The following DPP6 variants were observed in gnomAD, a reference collection of about 807,000 sequenced individuals.
DPP6 encodes A-type potassium channel modulatory protein DPP6.
A neutral mutation model predicts 122.6 loss-of-function variants in DPP6; 69 were observed. The ratio of observed to expected loss-of-function variants is 0.56; its 90% CI spans 0.46 to 0.69. The LOEUF (loss-of-function observed/expected upper bound fraction) is 0.69, where lower values mean the gene tolerates loss of function less well. Among genes scored for constraint, DPP6 ranks in the 30% least tolerant of loss-of-function variants. The pLI, the probability that DPP6 is intolerant of heterozygous loss-of-function variation, is 0.00. For missense variants in DPP6, 928 were observed against 1,116.9 expected (o/e 0.83, Z 2.41); for synonymous variants, 418 against 433.1 (o/e 0.97, Z 0.43).
At chr7:154,516,997 CATT>C in intron 3 of DPP6, among the ~76,000 whole-genome samples, 1 of 152,268 alleles carries the variant, frequency 6.6e-6, no homozygotes, top group South Asian at 2.1e-4. Flanking sequence ...TTGAAATCCT[CATT>C]ATGTGTTTGC....
At chr7:153,842,747 C>T in the DPP6 span, among the ~76,000 whole-genome samples, 1 of 152,096 alleles carries the variant, frequency 6.6e-6, no homozygotes, top group Non-Finnish European at 1.5e-5. Context: ...TGGAAATTCA[C>T]TTATATAATA....
intron 3 of DPP6, among the ~76,000 whole-genome samples, chr7:154,488,171 C>G (rs1034103677): frequency 1.3e-5 from 2 of 152,086 alleles, no homozygotes; most frequent in African/African-American, 2.4e-5. Flanking sequence ...TGTAACTCTT[C>G]GTGTTTTAAG....
At chr7:154,625,195 T>A (rs1393215293) in intron 5 of DPP6, among the ~76,000 whole-genome samples, 3 of 152,170 alleles carry the variant, frequency 2.0e-5, no homozygotes. Flanking sequence ...CAAGTGGGCA[T>A]GGTAAGCAGC....
rs563768146 is a variant in DPP6 at position 154,500,307 on chromosome 7, A to G, written c.457+25270A>G. Among the ~76,000 whole-genome samples, 5 of 152,354 alleles carry G rather than the reference A, an allele frequency of 3.3e-5. No homozygotes were observed. The South Asian group carries it at 8.3e-4, about 25-fold the overall frequency. On this transcript the variant is annotated intron_variant, in intron 3 of 25. Transcript: ENST00000377770. ...AACATTGAATTGCACACTGTAAAAT[A>G]GTTAAAATGATGACTTTTGTTATGG...
chr7:154,323,964 T>C (rs1357575265), intron 1 of DPP6, among the ~76,000 whole-genome samples: 1 of 152,200 alleles, frequency 6.6e-6, no homozygotes, highest in Non-Finnish European at 1.5e-5. Flanking sequence ...ACAAAATCTC[T>C]CTTGTAAAAT....
At chr7:153,870,729 A>G in the DPP6 span, among the ~76,000 whole-genome samples, 2 of 152,110 alleles carry the variant, frequency 1.3e-5, no homozygotes, top group Non-Finnish European at 2.9e-5. Flanking sequence ...AGGCTCTCTG[A>G]TTTTTAGAGT....
chr7:154,503,547 T>G (rs1825425389), intron 3 of DPP6, among the ~76,000 whole-genome samples: 1 of 152,224 alleles, frequency 6.6e-6, no homozygotes, highest in Non-Finnish European at 1.5e-5. Context: ...AATACAACTT[T>G]TGCTTTAGAA....
At chr7:154,502,195 TAGAC>T (rs1233498916) in intron 3 of DPP6, among the ~76,000 whole-genome samples, 1 of 152,156 alleles carries the variant, frequency 6.6e-6, no homozygotes, top group Non-Finnish European at 1.5e-5. Flanking sequence ...TACACGCTAA[TAGAC>T]AGAAGGGACT....
At chr7:154,055,337 G>A (rs1800734336) in intron 1 of DPP6, among the ~76,000 whole-genome samples, 1 of 135,206 alleles carries the variant, frequency 7.4e-6, no homozygotes, top group African/African-American at 2.8e-5. Context: ...ACTCTTCTTA[G>A]AAAAGTTCCT....
chr7:154,458,797 C>T (rs1363491706), intron 2 of DPP6, among the ~76,000 whole-genome samples: 2 of 152,202 alleles, frequency 1.3e-5, no homozygotes, highest in African/African-American at 2.4e-5. Flanking sequence ...AACTGGACAA[C>T]AACTGTGCCA....
chr7:154,636,284 T>C (rs1416096555), intron 5 of DPP6, among the ~76,000 whole-genome samples: 1 of 152,192 alleles, frequency 6.6e-6, no homozygotes, highest in East Asian at 1.9e-4. Context: ...CCGTTCCAGC[T>C]CACACAGGCA....
At chr7:154,101,660 G>C (rs938268922) in intron 1 of DPP6, among the ~76,000 whole-genome samples, 14 of 151,994 alleles carry the variant, frequency 9.2e-5, no homozygotes, top group Non-Finnish European at 2.1e-4. Context: ...GGGCACAGTG[G>C]CTCATGCCTG....
rs546847308 is a variant in DPP6 at position 154,144,805 on chromosome 7, C to T, written c.243+91742C>T. 1.8e-4 allele frequency among the ~76,000 whole-genome samples: 28 copies of T among 151,846 alleles called. No individual in the cohort carries two copies. The South Asian group carries it at 5.4e-3, about 29-fold the overall frequency. ...GAAGAGGAAGAGACAGCGGAGCTTGCTCTCTCTGCCCTGTGAAGACATGGT... is the reference window on the plus strand; with the variant it reads ...GAAGAGGAAGAGACAGCGGAGCTTGTTCTCTCTGCCCTGTGAAGACATGGT... On this transcript the variant is annotated intron_variant, in intron 1 of 25. Coordinates refer to ENST00000377770, the MANE Select transcript of DPP6 (RefSeq NM_130797.4).
intron 16 of DPP6, among the ~76,000 whole-genome samples, chr7:154,846,718 A>C (rs1801972536): frequency 6.6e-6 from 1 of 152,256 alleles, no homozygotes; most frequent in Non-Finnish European, 1.5e-5. Flanking sequence ...AATATCCACC[A>C]GTAGACAGAC....
chr7:154,188,062 T>C (rs931708670), intron 1 of DPP6, among the ~76,000 whole-genome samples: 5 of 152,048 alleles, frequency 3.3e-5, no homozygotes, highest in Non-Finnish European at 7.4e-5. Context: ...CAGAGCACGA[T>C]GCAGATCGTC....
At chr7:153,865,748 A>C in the DPP6 span, among the ~76,000 whole-genome samples, 1 of 151,944 alleles carries the variant, frequency 6.6e-6, no homozygotes, top group East Asian at 1.9e-4. Context: ...GTGTGCTGCA[A>C]CCATTAACTC....
At chr7:154,510,888 GCT>G (rs139701384) in intron 3 of DPP6, among the ~76,000 whole-genome samples, 69 of 146,720 alleles carry the variant, frequency 4.7e-4, no homozygotes, top group Admixed American at 2.3e-3. Context: ...TCACTCTCGT[GCT>G]CTCTCTCTCT....
intron 16 of DPP6, among the ~76,000 whole-genome samples, chr7:154,812,427 A>C (rs1182434960): frequency 6.6e-6 from 1 of 152,218 alleles, no homozygotes; most frequent in Non-Finnish European, 1.5e-5. Flanking sequence ...CTTATAAACA[A>C]CAGAAAATTA....
Position 154,052,747 on chromosome 7 carries a change from G to A in DPP6, c.-74G>A. 2 of 1,365,450 alleles carry A rather than the reference G, an allele frequency of 1.5e-6. No homozygotes were observed. The highest frequency in any genetic ancestry group is 3.7e-5 in the East Asian group (1 of 27,390). The allele number at this position is 1,365,450 out of a possible 1,614,324, so 84.6% of individuals were successfully genotyped here. A position where few individuals can be genotyped will look rare whatever the true frequency, so the allele number is the denominator to read the frequency against. On this transcript the variant is annotated 5_prime_UTR_variant, in exon 1 of 26. It adds an upstream start codon to the 5' untranslated region. Coordinates refer to ENST00000377770, the MANE Select transcript of DPP6 (RefSeq NM_130797.4). The surrounding 1 kb of genome is among the most constrained non-coding windows in gnomAD (Gnocchi z 4.8). ...TTTTTTTTTTTTAATCTGGAGCGGG[G>A]TGGGGAGTGGGAACCGGAGAGAAAG...
Sources: gnomAD v4.1 joint callset for allele counts (sites outside exome capture counted in the v4.1 genomes callset) on GRCh38, gnomAD v4.1.1 for gene constraint, Gnocchi (gnomAD v3.1) non-coding constraint, MANE v1.5 for transcripts, NCBI Gene and HGNC (gene_info 2026-07-23, HGNC 2026-07-21) for gene names.